Variants in ZFHX3 observed in about 807,000 individuals in gnomAD.
ZFHX3 encodes zinc finger homeobox 3.
In ZFHX3, 42 loss-of-function variants were observed where a neutral mutation model predicts 279.1. The observed-to-expected ratio is 0.15, with a 90% CI of 0.12 to 0.19. ZFHX3 has a LOEUF of 0.19. ZFHX3 is among the 10% of genes least tolerant of loss of function. The probability of loss-of-function intolerance (pLI) is 1.00; values close to 1 mark genes in which losing one functional copy is unlikely to be tolerated. For missense variants in ZFHX3, 4,981 were observed against 4,754.0 expected (o/e 1.05, Z -1.40); for synonymous variants, 2,293 against 1,957.8 (o/e 1.17, Z -4.52).
At chr16:72,930,052 C>T (rs1313086002) in intron 3 of ZFHX3, among the ~76,000 whole-genome samples, 1 of 152,100 alleles carries the variant, frequency 6.6e-6, no homozygotes, top group Non-Finnish European at 1.5e-5. Context: ...ACTCCGTCTC[C>T]ACTGAAATTA....
chr16:73,244,946 G>A (rs1444354972), intron 5 of ZFHX3, among the ~76,000 whole-genome samples: 1 of 152,200 alleles, frequency 6.6e-6, no homozygotes, highest in Non-Finnish European at 1.5e-5. Context: ...TGGAGCAGAA[G>A]TGGGGGCTTA....
At chr16:73,660,745 A>T (rs2052774045) in intron 2 of ZFHX3, among the ~76,000 whole-genome samples, 1 of 152,222 alleles carries the variant, frequency 6.6e-6, no homozygotes, top group African/African-American at 2.4e-5. Context: ...ACAAAATGTG[A>T]CAGGTGGGTT....
intron 2 of ZFHX3, among the ~76,000 whole-genome samples, chr16:73,674,433 A>G (rs1310758614): frequency 6.6e-6 from 1 of 152,234 alleles, no homozygotes; most frequent in Non-Finnish European, 1.5e-5. Flanking sequence ...GATCAAACAC[A>G]CTGTGTAAGC....
At chr16:73,000,265 G>A (rs751253256) in intron 1 of ZFHX3, among the ~76,000 whole-genome samples, 30 of 152,236 alleles carry the variant, frequency 2.0e-4, no homozygotes, top group East Asian at 7.7e-4. Context: ...AAGGGCACGC[G>A]GTGAAAGGAA....
chr16:73,078,952 T>G (rs1186727742), intron 8 of ZFHX3, among the ~76,000 whole-genome samples: 2 of 152,080 alleles, frequency 1.3e-5, no homozygotes, highest in African/African-American at 4.8e-5. Flanking sequence ...CCCCTTTGTT[T>G]CTTAAAACCA....
intron 1 of ZFHX3, among the ~76,000 whole-genome samples, chr16:73,008,976 T>C (rs1963816034): frequency 6.6e-6 from 1 of 151,730 alleles, no homozygotes; most frequent in South Asian, 2.1e-4. Context: ...TTAATGAGGT[T>C]CCAACTGGGC....
chr16:72,819,702 C>G (rs2036727920), intron 5 of ZFHX3, among the ~76,000 whole-genome samples: 1 of 152,206 alleles, frequency 6.6e-6, no homozygotes, highest in Non-Finnish European at 1.5e-5. Context: ...GCTCTGATGA[C>G]ATGATACTCT....
At chr16:73,186,188 TAATAGA>T (rs1165630291) in intron 5 of ZFHX3, among the ~76,000 whole-genome samples, 1 of 152,146 alleles carries the variant, frequency 6.6e-6, no homozygotes, top group Non-Finnish European at 1.5e-5. Flanking sequence ...AATGTAATTA[TAATAGA>T]AATAAAGTGC....
chr16:73,235,296 C>G (rs921857532), intron 5 of ZFHX3, among the ~76,000 whole-genome samples: 2 of 152,132 alleles, frequency 1.3e-5, no homozygotes, highest in Non-Finnish European at 2.9e-5. Context: ...GTCTCGATCT[C>G]CTGACCTCAT....
chr16:72,957,420 T>G lies in ZFHX3; in HGVS notation c.2719+7A>C, dbSNP rs1961301423. ...ATGAAAACAGACAAACACGTAGTCA[T>G]CCTCACCTAGAGCAGGCGTCATGGC... On this transcript the variant is annotated splice_region_variant and intron_variant, in intron 2 of 9. Coordinates refer to ENST00000268489, the MANE Select transcript of ZFHX3 (RefSeq NM_006885.4). The G allele has an allele frequency of 6.3e-7, 1 of 1,596,912 alleles. No homozygotes were observed.
At chr16:73,217,491 T>C (rs535075697) in intron 5 of ZFHX3, among the ~76,000 whole-genome samples, 2 of 152,290 alleles carry the variant, frequency 1.3e-5, no homozygotes, top group African/African-American at 2.4e-5. Context: ...CACTAAGCAA[T>C]TGATCCCCTG....
intron 2 of ZFHX3, among the ~76,000 whole-genome samples, chr16:73,595,674 A>T (rs1241258094): frequency 1.3e-5 from 2 of 152,144 alleles, no homozygotes; most frequent in Non-Finnish European, 2.9e-5. Context: ...TGATACCCAA[A>T]TTTGTGTCAC....
chr16:73,146,476 T>A (rs974628892), intron 5 of ZFHX3, among the ~76,000 whole-genome samples: 2 of 150,148 alleles, frequency 1.3e-5, no homozygotes, highest in Non-Finnish European at 3.0e-5. Context: ...CCATGGAGGA[T>A]CAGCTAATAC....
intron 2 of ZFHX3, among the ~76,000 whole-genome samples, chr16:73,625,145 A>T (rs2052403353): frequency 6.6e-6 from 1 of 152,260 alleles, no homozygotes; most frequent in Non-Finnish European, 1.5e-5. Flanking sequence ...TGCAAGAAAC[A>T]TACCATACTT....
intron 2 of ZFHX3, among the ~76,000 whole-genome samples, chr16:73,640,967 C>G (rs888587993): frequency 6.6e-6 from 1 of 152,114 alleles, no homozygotes; most frequent in Admixed American, 6.6e-5. Context: ...GCAGATCATA[C>G]AAAGCAGCCG....
At chr16:73,473,939 G>A (rs1005576318) in intron 2 of ZFHX3, among the ~76,000 whole-genome samples, 8 of 152,018 alleles carry the variant, frequency 5.3e-5, no homozygotes, top group African/African-American at 9.7e-5. Context: ...ACAAGATCCC[G>A]ATGACAGCAT....
intron 2 of ZFHX3, among the ~76,000 whole-genome samples, chr16:73,599,626 C>T (rs111610430): frequency 7.9e-5 from 12 of 152,128 alleles, no homozygotes; most frequent in African/African-American, 2.9e-4. Flanking sequence ...TTTTCTCCAC[C>T]ACTGCTTCCC....
At chr16:72,902,773 G>A (rs1210071876) in intron 3 of ZFHX3, among the ~76,000 whole-genome samples, 1 of 151,908 alleles carries the variant, frequency 6.6e-6, no homozygotes, top group African/African-American at 2.4e-5. Context: ...AGCACAAAGG[G>A]GCTGACGGGG....
At chr16:72,953,153 G>A (rs1407388888) in intron 2 of ZFHX3, among the ~76,000 whole-genome samples, 1 of 152,166 alleles carries the variant, frequency 6.6e-6, no homozygotes, top group African/African-American at 2.4e-5. Flanking sequence ...GGACAGTCTA[G>A]CAAGCCACAG....
Sources: gnomAD v4.1 joint callset for allele counts (sites outside exome capture counted in the v4.1 genomes callset) on GRCh38, gnomAD v4.1.1 for gene constraint, MANE v1.5 for transcripts, NCBI Gene and HGNC (gene_info 2026-07-23, HGNC 2026-07-21) for gene names.